The following KAZN variants were observed in gnomAD, a reference collection of about 807,000 sequenced individuals.
KAZN encodes kazrin.
A neutral mutation model predicts 87.4 loss-of-function variants in KAZN; 40 were observed. That is an observed-to-expected ratio of 0.46 (90% CI 0.36 to 0.60). The LOEUF (loss-of-function observed/expected upper bound fraction) is 0.60. KAZN is among the 20% of genes least tolerant of loss of function. The probability of loss-of-function intolerance (pLI) is 0.00; values close to 1 mark genes in which losing one functional copy is unlikely to be tolerated. For missense variants in KAZN, 898 were observed against 1,073.9 expected (o/e 0.84, Z 2.29); for synonymous variants, 466 against 458.3 (o/e 1.02, Z -0.22).
intron 2 of KAZN, among the ~76,000 whole-genome samples, chr1:14,272,319 G>C (rs1328801368): frequency 2.0e-5 from 3 of 152,158 alleles, no homozygotes; most frequent in Non-Finnish European, 4.4e-5. Context: ...AGAAGTTCAA[G>C]AAATGCAAAC....
At chr1:13,979,721 G>A (rs1638561980) in intron 1 of KAZN, among the ~76,000 whole-genome samples, 1 of 152,170 alleles carries the variant, frequency 6.6e-6, no homozygotes, top group Admixed American at 6.5e-5. Context: ...AAGGTCAGGA[G>A]ATCGAGACCA....
intron 1 of KAZN, among the ~76,000 whole-genome samples, chr1:14,840,783 A>G (rs921142816): frequency 1.3e-5 from 2 of 152,360 alleles, no homozygotes; most frequent in East Asian, 1.9e-4. Context: ...GTAAGTGTTC[A>G]TACTGTAAAC....
chr1:13,911,143 G>A (rs996758326), intron 1 of KAZN, among the ~76,000 whole-genome samples: 1 of 152,274 alleles, frequency 6.6e-6, no homozygotes, highest in South Asian at 2.1e-4. Context: ...CCACCTCCCG[G>A]GTTCAAGCAA....
chr1:14,962,352 G>A (rs372547481), intron 2 of KAZN, among the ~76,000 whole-genome samples: 11 of 152,300 alleles, frequency 7.2e-5, no homozygotes, highest in Admixed American at 2.6e-4. Context: ...GGGTCACGGC[G>A]GCAGCATTTT....
In KAZN at chr1:14,769,416, G is replaced by A. The variant is rs534897779; in HGVS notation, c.226+170193G>A. Among the ~76,000 whole-genome samples, 5 of 152,172 alleles carry A rather than the reference G, an allele frequency of 3.3e-5. No homozygotes were observed. The highest frequency in any genetic ancestry group is 2.0e-4 in the Admixed American group (3 of 15,284). Reference sequence around the variant, plus strand: ...GTTGCCCAGGCTGGAGTGCGACGGCGCTATCTTGGCTCACTGCAACCTCTG... The same window carrying A: ...GTTGCCCAGGCTGGAGTGCGACGGCACTATCTTGGCTCACTGCAACCTCTG... On this transcript the variant is annotated intron_variant, in intron 1 of 14. Coordinates refer to ENST00000376030, the MANE Select transcript of KAZN (RefSeq NM_201628.3). This position sits in a 1 kb window ranked among gnomAD's most constrained non-coding sequence, Gnocchi z 4.1.
Position 14,009,293 on chromosome 1 carries a change from CTG to C in KAZN, c.91+115541_91+115542del, listed in dbSNP as rs528725516. On this transcript the variant is annotated intron_variant, in intron 1 of 16. Transcript: ENST00000636203. ...CATATGTACACGTAAGTCTTTGAGACTGTGTTTTTAATTTTGCTAGGTATATA... is the reference window on the plus strand; with the variant it reads ...CATATGTACACGTAAGTCTTTGAGACTGTTTTTAATTTTGCTAGGTATATA... Among the ~76,000 whole-genome samples the C allele has an allele frequency of 5.5e-3, 836 of 152,242 alleles. 7 individuals carry two copies. Among genetic ancestry groups the C allele is most frequent in the South Asian group, 9.9e-3 (48 of 4,828 alleles).
At chr1:15,102,293 G>A (rs1056374117) in intron 11 of KAZN, among the ~76,000 whole-genome samples, 31 of 152,144 alleles carry the variant, frequency 2.0e-4, no homozygotes, top group African/African-American at 7.5e-4. Context: ...GGGGGCTCAG[G>A]GATGGCTCCT....
intron 4 of KAZN, among the ~76,000 whole-genome samples, chr1:15,055,142 TCCTGGCTAGTC>T (rs1674813071): frequency 6.6e-6 from 1 of 152,224 alleles, no homozygotes; most frequent in Non-Finnish European, 1.5e-5. Context: ...CGGACTTGAA[TCCTGGCTAGTC>T]CCTGGAGAAT....
intron 2 of KAZN, among the ~76,000 whole-genome samples, chr1:14,314,424 A>G (rs1460663702): frequency 1.3e-5 from 2 of 152,090 alleles, no homozygotes; most frequent in Admixed American, 1.3e-4. Context: ...CATTGACCTC[A>G]TTGTCTACCA....
chr1:14,873,398 C>G (rs879226130), intron 1 of KAZN, among the ~76,000 whole-genome samples: 1 of 152,136 alleles, frequency 6.6e-6, no homozygotes, highest in African/African-American at 2.4e-5. Flanking sequence ...AAGAGGGATG[C>G]AGAATAATGG....
chr1:14,438,450 G>A lies in KAZN; in HGVS notation c.250-160533G>A, dbSNP rs187236050. Among the ~76,000 whole-genome samples the A allele has an allele frequency of 3.5e-4, 54 of 152,300 alleles. No individual in the cohort carries two copies. In the South Asian group the frequency reaches 7.1e-3, roughly 20 times the overall value. ...GAATAAGGGGACAGGGAACGGGGCC[G>A]GCCAGGAAAGATTCATGTGGAGGCA... On this transcript the variant is annotated intron_variant, in intron 2 of 16. Transcript: ENST00000636203.
chr1:14,794,732 A>C (rs1044694929), intron 1 of KAZN, among the ~76,000 whole-genome samples: 1 of 152,158 alleles, frequency 6.6e-6, no homozygotes, highest in Non-Finnish European at 1.5e-5. Context: ...CTGAGTGTCA[A>C]CTTGATTTGA....
intron 2 of KAZN, among the ~76,000 whole-genome samples, chr1:14,976,678 T>A (rs963994802): frequency 6.6e-6 from 1 of 152,154 alleles, no homozygotes; most frequent in Non-Finnish European, 1.5e-5. Context: ...CCCAACCAGA[T>A]GGGCATTGGC....
At chr1:14,542,570 A>T (rs1421846516) in intron 2 of KAZN, among the ~76,000 whole-genome samples, 2 of 152,206 alleles carry the variant, frequency 1.3e-5, no homozygotes, top group Non-Finnish European at 2.9e-5. Flanking sequence ...TCAAATTGTC[A>T]TTTAGATACA....
intron 1 of KAZN, among the ~76,000 whole-genome samples, chr1:14,778,239 A>C (rs1184223245): frequency 2.0e-5 from 3 of 152,182 alleles, no homozygotes; most frequent in Non-Finnish European, 4.4e-5. Context: ...ACACAAAGGC[A>C]TCCTGCCTGC....
chr1:14,883,519 C>G (rs1653715853), intron 1 of KAZN, among the ~76,000 whole-genome samples: 1 of 146,790 alleles, frequency 6.8e-6, no homozygotes, highest in South Asian at 2.1e-4. Flanking sequence ...AAAGGTGAGA[C>G]CCTGGGTCAC....
At chr1:14,499,365 C>T (rs1670116419) in intron 2 of KAZN, among the ~76,000 whole-genome samples, 1 of 152,208 alleles carries the variant, frequency 6.6e-6, no homozygotes, top group African/African-American at 2.4e-5. Context: ...CTCTCCCCCA[C>T]CCAAGTCTTA....
At chr1:14,117,417 A>G (rs1164761541) in intron 1 of KAZN, among the ~76,000 whole-genome samples, 2 of 152,180 alleles carry the variant, frequency 1.3e-5, no homozygotes, top group Non-Finnish European at 1.5e-5. Flanking sequence ...TATGTGAGAC[A>G]TGCCTTTCAC....
intron 1 of KAZN, among the ~76,000 whole-genome samples, chr1:14,809,513 A>G (rs1330373735): frequency 6.6e-6 from 1 of 152,186 alleles, no homozygotes; most frequent in Non-Finnish European, 1.5e-5. Flanking sequence ...GAAACTTGCA[A>G]GGGTGCAGGG....
Sources: gnomAD v4.1 joint callset for allele counts (sites outside exome capture counted in the v4.1 genomes callset) on GRCh38, gnomAD v4.1.1 for gene constraint, Gnocchi (gnomAD v3.1) non-coding constraint, MANE v1.5 for transcripts, NCBI Gene and HGNC (gene_info 2026-07-23, HGNC 2026-07-21) for gene names.